Variants in SP140 observed in about 807,000 individuals in gnomAD.
SP140 encodes SP140 nuclear body protein.
A neutral mutation model predicts 125.0 loss-of-function variants in SP140; 81 were observed. That is an observed-to-expected ratio of 0.65 (90% CI 0.54 to 0.78). SP140 has a LOEUF of 0.78. Ranked by LOEUF, SP140 falls within the 30% of genes least tolerant of loss-of-function variation. The pLI, the probability that SP140 is intolerant of heterozygous loss-of-function variation, is 0.00. For synonymous variants in SP140, 312 were observed against 354.0 expected (o/e 0.88, Z 1.33); for missense variants, 858 against 1,037.0 (o/e 0.83, Z 2.37).
chr2:230,263,997 T>C (rs1007940404), intron 12 of SP140, among the ~76,000 whole-genome samples: 3 of 152,198 alleles, frequency 2.0e-5, no homozygotes, highest in Admixed American at 2.0e-4. Flanking sequence ...TTTGTGCTTC[T>C]TGTATTTGGA....
At chr2:230,252,936 G>A (rs755296995) in intron 10 of SP140, among the ~76,000 whole-genome samples, 1 of 152,106 alleles carries the variant, frequency 6.6e-6, no homozygotes, top group African/African-American at 2.4e-5. Context: ...AAATGCTACC[G>A]GGAGGGAAGG....
intron 16 of SP140, 84 bp from the exon 17 acceptor site, chr2:230,285,668 G>C: frequency 8.8e-7 from 1 of 1,137,854 alleles, no homozygotes; most frequent in Non-Finnish European, 1.3e-6. Flanking sequence ...TGAGACCCAG[G>C]ACTCCCTCAC....
rs1405494035 is a variant in SP140, at chr2:230,288,077, A to G, written c.1720+111A>G. On this transcript the variant is annotated intron_variant, in intron 18 of 26. Transcript: ENST00000392045. ...TTCCTTAATTGTTTTATGAAGCTGT[A>G]CTAACTAGTGAGAAATGTATCCTAT... 3 of 890,064 alleles carry G rather than the reference A, an allele frequency of 3.4e-6. No individual in the cohort carries two copies. The African/African-American group carries it at 5.2e-5, about 15-fold the overall frequency. The allele number at this position is 890,064 out of a possible 1,614,324, so 55.1% of individuals were successfully genotyped here.
intron 1 of SP140, among the ~76,000 whole-genome samples, chr2:230,229,403 A>G (rs1173817584): frequency 1.4e-5 from 2 of 143,012 alleles, no homozygotes; most frequent in Non-Finnish European, 3.0e-5. Flanking sequence ...TTCTTTCTCT[A>G]TGTAAATCTG....
At chr2:230,286,104 T>A (rs1343117184) in intron 17 of SP140, among the ~76,000 whole-genome samples, 1 of 152,252 alleles carries the variant, frequency 6.6e-6, no homozygotes, top group Non-Finnish European at 1.5e-5. Flanking sequence ...ATCATTGTTT[T>A]ATTAAAATGG....
chr2:230,287,920 C>G lies in SP140; in HGVS notation c.1674C>G (p.Arg558=), dbSNP rs761783750. The change falls in exon 18 of 27, where the codon CGC becomes CGG. Residue 558 remains arginine (R), a synonymous_variant. Transcript: ENST00000392045. ...RGRKRGKPGT[R]FTQSDRAAQK... is the part of the protein sequence containing the mutation. Reference sequence around the variant, plus strand: ...GAAAGAGAGGCAAACCTGGAACCCGCTTCACTCAGAGTGACAGAGCTGCAC... The same window carrying G: ...GAAAGAGAGGCAAACCTGGAACCCGGTTCACTCAGAGTGACAGAGCTGCAC... 6.2e-6 allele frequency: 10 copies of G among 1,612,124 alleles called. No homozygotes were observed. In the Admixed American group the frequency reaches 1.3e-4, roughly 22 times the overall value.
At chr2:230,274,702 C>T (rs1046414789) in intron 15 of SP140, among the ~76,000 whole-genome samples, 4 of 151,958 alleles carry the variant, frequency 2.6e-5, no homozygotes, top group Non-Finnish European at 4.4e-5. Context: ...TCACCCTATA[C>T]GGTTATATTC....
chr2:230,208,314 G>C (rs889510805), intron 1 of SP140, among the ~76,000 whole-genome samples: 2 of 152,200 alleles, frequency 1.3e-5, no homozygotes. Flanking sequence ...ATGAAGGAGA[G>C]AGATATGGAA....
chr2:230,199,388 T>C (rs1421655256), upstream of SP140, among the ~76,000 whole-genome samples: 2 of 151,578 alleles, frequency 1.3e-5, no homozygotes, highest in East Asian at 1.9e-4. Context: ...TTTGTATTTT[T>C]AGTAGAGACA....
intron 18 of SP140, among the ~76,000 whole-genome samples, chr2:230,289,401 C>T (rs1446085180): frequency 6.6e-6 from 1 of 152,172 alleles, no homozygotes; most frequent in African/African-American, 2.4e-5. Context: ...AATTTTCTTT[C>T]ATTCTGTAGG....
chr2:230,223,117 A>G (rs1204135810), upstream of SP140, among the ~76,000 whole-genome samples: 1 of 151,102 alleles, frequency 6.6e-6, no homozygotes, highest in East Asian at 1.9e-4. Flanking sequence ...GCTCACTGCA[A>G]CCTCCGCCTC....
At chr2:230,197,807 TC>T in the SP140 span, among the ~76,000 whole-genome samples, 2 of 152,188 alleles carry the variant, frequency 1.3e-5, no homozygotes. Context: ...GGGAATCCTT[TC>T]CCCATATAAT....
At chr2:230,240,203 A>G (rs1470021019) in intron 3 of SP140, among the ~76,000 whole-genome samples, 4 of 122,722 alleles carry the variant, frequency 3.3e-5, no homozygotes. Context: ...GACTACAAGT[A>G]TAAAGCTGCT....
At position 230,312,998 on chromosome 2, in the gene SP140, G is replaced by T. The variant is rs1313766586; in HGVS notation, c.*314G>T. 2 of 273,214 alleles carry T rather than the reference G, an allele frequency of 7.3e-6. No individual in the cohort carries two copies. The highest frequency in any genetic ancestry group is 4.7e-5 in the African/African-American group (2 of 42,742). The allele number at this position is 273,214 out of a possible 1,614,324, so 16.9% of individuals were successfully genotyped here. ...TCCAGACAACATTTATTACCCAGAA[G>T]ACCTTTTGTCTGAAAACCAGCCAAG... is the stretch of plus-strand genomic sequence containing the variant. On this transcript the variant is annotated 3_prime_UTR_variant, in exon 27 of 27. Transcript: ENST00000392045.
At chr2:230,292,162 A>C (rs1468827199) in intron 19 of SP140, among the ~76,000 whole-genome samples, 1 of 152,206 alleles carries the variant, frequency 6.6e-6, no homozygotes, top group Non-Finnish European at 1.5e-5. Context: ...ACTGCATAAA[A>C]CATGTTATAA....
intron 18 of SP140, among the ~76,000 whole-genome samples, chr2:230,288,513 CTTTCTTTCT>C (rs1559337562): frequency 9.3e-6 from 1 of 107,504 alleles, no homozygotes; most frequent in East Asian, 2.2e-4. Context: ...TTCTTTCTTT[CTTTCTTTCT>C]TTTTTTATTC....
At chr2:230,220,460 T>C (rs1005790996) in intron 3 of SP140, among the ~76,000 whole-genome samples, 1 of 152,092 alleles carries the variant, frequency 6.6e-6, no homozygotes, top group Non-Finnish European at 1.5e-5. Context: ...CTTGTCAGGA[T>C]AAGATTATTA....
At chr2:230,207,901 T>C in intron 1 of SP140, 1 of 711,704 alleles carries the variant, frequency 1.4e-6, no homozygotes, top group Admixed American at 2.3e-5. Context: ...CCATTGCATT[T>C]AGAATAAAAT....
chr2:230,194,006 T>C, the SP140 span, among the ~76,000 whole-genome samples: 1 of 152,160 alleles, frequency 6.6e-6, no homozygotes, highest in African/African-American at 2.4e-5. Flanking sequence ...ACAGAGAGTA[T>C]GTTTCCTCCA....
Sources: allele counts gnomAD v4.1 joint callset (sites outside exome capture counted in the v4.1 genomes callset), GRCh38; gene constraint gnomAD v4.1.1; transcripts MANE v1.5; gene names NCBI Gene and HGNC (gene_info 2026-07-23, HGNC 2026-07-21).